ANKRD36: variants seen among roughly 807,000 people sequenced by gnomAD.
The protein encoded by ANKRD36 is ankyrin repeat domain 36, also known as ankyrin repeat domain-containing protein 36A.
In ANKRD36, 179 loss-of-function variants were observed where a neutral mutation model predicts 278.1. The observed-to-expected ratio is 0.64, with a 90% CI of 0.57 to 0.73. ANKRD36 has a LOEUF of 0.73. ANKRD36 is among the 30% of genes least tolerant of loss of function. ANKRD36 has a pLI of 0.00. For missense variants in ANKRD36, 1,159 were observed against 1,956.7 expected (o/e 0.59, Z 7.69); for synonymous variants, 320 against 641.1 (o/e 0.50, Z 7.57).
intron 22 of ANKRD36, among the ~76,000 whole-genome samples, chr2:97,173,363 A>C (rs2053206425): frequency 1.3e-5 from 2 of 151,780 alleles, no homozygotes; most frequent in African/African-American, 4.8e-5. Flanking sequence ...AGGTGAAAGC[A>C]TAGAGACAAA....
chr2:97,192,886 G>T lies in ANKRD36; in HGVS notation c.2376G>T (p.Thr792=), dbSNP rs369414022. ...CTTCTCAGAAACCACCAGCCTTGAC[G>T]GTAATGAAACACTCATTTATATTGT... ...TVSSQKPPAL[T]ATSDEEGSVL... Residue 792 remains threonine, a splice_region_variant and synonymous_variant, in exon 37 of 76, where the codon ACG becomes ACT. Transcript: ENST00000420699. 3.1e-6 allele frequency: 5 copies of T among 1,603,462 alleles called. No individual in the cohort carries two copies. The highest frequency in any genetic ancestry group is 2.2e-5 in the East Asian group (1 of 44,520).
rs149537151 is a variant in ANKRD36 at position 97,209,249 on chromosome 2, T to G, written c.3266-432T>G. ...GTGCCTTCTCATTTATTGGGCAAGT[T>G]AAAGAGCATGAAGAATGTTTGTAGT... is the stretch of plus-strand genomic sequence containing the variant. On this transcript the variant is annotated intron_variant, in intron 54 of 75. Coordinates refer to ENST00000420699, the MANE Select transcript of ANKRD36 (RefSeq NM_001354587.1). 4.1e-3 allele frequency among the ~76,000 whole-genome samples: 598 copies of G among 146,572 alleles called. 53 individuals are homozygous for G. The East Asian group carries it at 0.064, about 16-fold the overall frequency.
At chr2:97,153,372 T>C (rs1187640233) in intron 14 of ANKRD36, among the ~76,000 whole-genome samples, 1 of 152,206 alleles carries the variant, frequency 6.6e-6, no homozygotes, top group Non-Finnish European at 1.5e-5. Flanking sequence ...TCTTCTATTA[T>C]AGTTTTCATT....
At chr2:97,202,114 A>G in intron 46 of ANKRD36, 88 bp from the exon 47 acceptor site, 2 of 1,587,784 alleles carry the variant, frequency 1.3e-6, no homozygotes, top group Non-Finnish European at 1.7e-6. Flanking sequence ...AGGCAGGAGG[A>G]CAGAGGTTGA....
intron 22 of ANKRD36, 43 bp from the exon 23 acceptor site, chr2:97,179,695 C>G (rs766626348): frequency 1.6e-5 from 25 of 1,591,420 alleles, no homozygotes; most frequent in Non-Finnish European, 2.0e-5. Flanking sequence ...ATAACATTAT[C>G]ATATTTACAT....
chr2:97,242,602 A>G (rs1359690068), intron 69 of ANKRD36, among the ~76,000 whole-genome samples: 31 of 145,934 alleles, frequency 2.1e-4, no homozygotes, highest in African/African-American at 7.8e-4. Context: ...GTCTTGGATT[A>G]CAGTAATCTG....
At chr2:97,156,040 G>A (rs1460656046) in intron 15 of ANKRD36, among the ~76,000 whole-genome samples, 1 of 145,904 alleles carries the variant, frequency 6.9e-6, no homozygotes, top group African/African-American at 2.4e-5. Flanking sequence ...GAGAAAATAT[G>A]TTATAGAAGA....
At chr2:97,210,932 C>A (rs1347813340) in intron 56 of ANKRD36, among the ~76,000 whole-genome samples, 1 of 151,852 alleles carries the variant, frequency 6.6e-6, no homozygotes, top group Non-Finnish European at 1.5e-5. Context: ...CTAGTGGATA[C>A]AAGAAACTTA....
chr2:97,173,109 CTG>C (rs1270806885), intron 22 of ANKRD36, among the ~76,000 whole-genome samples: 19 of 151,528 alleles, frequency 1.3e-4, no homozygotes, highest in Non-Finnish European at 1.9e-4. Flanking sequence ...CAAGGAGAGA[CTG>C]TCATTGTAGT....
chr2:97,188,387 T>A (rs1482480454), intron 32 of ANKRD36, among the ~76,000 whole-genome samples: 3 of 151,682 alleles, frequency 2.0e-5, no homozygotes, highest in South Asian at 4.2e-4. Context: ...AATTGATAAT[T>A]GATGATATTT....
At chr2:97,172,833 G>A (rs1408372260) in intron 22 of ANKRD36, among the ~76,000 whole-genome samples, 1 of 144,824 alleles carries the variant, frequency 6.9e-6, no homozygotes, top group Non-Finnish European at 1.5e-5. Context: ...GTGTGTGAAT[G>A]TGTGTGTGTG....
At chr2:97,223,097 A>G (rs1264510097) in intron 66 of ANKRD36, among the ~76,000 whole-genome samples, 1 of 132,742 alleles carries the variant, frequency 7.5e-6, no homozygotes, top group Non-Finnish European at 1.5e-5. Flanking sequence ...CTTATTATAC[A>G]CTTTTTTTTT....
chr2:97,145,103 A>C (rs1013185277), intron 10 of ANKRD36, among the ~76,000 whole-genome samples: 19 of 152,076 alleles, frequency 1.2e-4, no homozygotes, highest in African/African-American at 4.6e-4. Context: ...GATCGTAATA[A>C]GCCATAAACA....
chr2:97,187,366 C>A lies in ANKRD36; in HGVS notation c.2108C>A (p.Ala703Asp). Residue 703 changes from alanine (A) to aspartate (D), a missense_variant, in exon 32 of 76, where the codon GCC (alanine) becomes GAC (aspartate). Ala to Asp is a moderately radical substitution (Grantham distance 126). Transcript: ENST00000420699. ...TDEEDSVSNI[A>D]TEIKDGEKSG... is the part of the protein sequence containing the mutation. ...GAGGAAGACTCTGTTTCGAATATAG[C>A]CACAGAAATAAAGGATGGAGAAAAA... 6.2e-7 allele frequency: 1 copy of A among 1,608,278 alleles called. No homozygotes were observed. Among genetic ancestry groups the A allele is most frequent in the Non-Finnish European group, 8.5e-7 (1 of 1,177,646 alleles).
At chr2:97,201,265 T>C (rs1212664390) in intron 46 of ANKRD36, among the ~76,000 whole-genome samples, 38 of 151,974 alleles carry the variant, frequency 2.5e-4, no homozygotes, top group African/African-American at 8.7e-4. Flanking sequence ...AATATGTTGG[T>C]TTCCTTGTTC....
Position 97,118,167 on chromosome 2 carries a change from C to A in ANKRD36, c.301C>A (p.Pro101Thr). Reference sequence around the variant, plus strand: ...CCTCTGCGACCGTGAAGACAGGACACCTCTGATCAAGGTATATAGTAGCTG... The same window carrying A: ...CCTCTGCGACCGTGAAGACAGGACAACTCTGATCAAGGTATATAGTAGCTG... ...LNLCDREDRT[P>T]LIKAVQLRQE... Residue 101 changes from proline (P) to threonine (T), a missense_variant, in exon 2 of 76, where the codon CCT becomes ACT. Coordinates refer to ENST00000420699, the MANE Select transcript of ANKRD36 (RefSeq NM_001354587.1). 6.3e-7 allele frequency: 1 copy of A among 1,578,878 alleles called. No individual in the cohort carries two copies. The highest frequency in any genetic ancestry group is 8.6e-7 in the Non-Finnish European group (1 of 1,160,970).
chr2:97,165,840 G>A (rs1054304551), intron 20 of ANKRD36, among the ~76,000 whole-genome samples: 3 of 152,304 alleles, frequency 2.0e-5, no homozygotes, highest in Admixed American at 6.5e-5. Flanking sequence ...ATGGCACTCT[G>A]ATCTCTTTGA....
chr2:97,191,695 T>C (rs1428914024), intron 36 of ANKRD36, among the ~76,000 whole-genome samples: 1 of 151,688 alleles, frequency 6.6e-6, no homozygotes, highest in Non-Finnish European at 1.5e-5. Flanking sequence ...TTTGGGGTTT[T>C]TCCTGAGGAA....
chr2:97,235,564 T>G (rs1178902520), intron 68 of ANKRD36, among the ~76,000 whole-genome samples: 110 of 142,224 alleles, frequency 7.7e-4, no homozygotes, highest in Non-Finnish European at 1.1e-3. Flanking sequence ...CCAGACTTTT[T>G]GATTGCCAAC....
Sources: allele counts gnomAD v4.1 joint callset (sites outside exome capture counted in the v4.1 genomes callset), GRCh38; gene constraint gnomAD v4.1.1; transcripts MANE v1.5; gene names NCBI Gene and HGNC (gene_info 2026-07-23, HGNC 2026-07-21).